Variants in LRRN2 observed in about 807,000 individuals in gnomAD.
LRRN2 encodes the protein leucine rich repeat neuronal 2, also known as leucine-rich repeat neuronal protein 2.
Under a neutral mutation model 35.7 loss-of-function variants are expected in LRRN2, and 10 were observed. That is an observed-to-expected ratio of 0.28 (90% confidence interval 0.17 to 0.47). LRRN2 has a LOEUF of 0.47. Among genes scored for constraint, LRRN2 ranks in the 20% least tolerant of loss-of-function variants. The probability of loss-of-function intolerance (pLI) is 0.99; values close to 1 mark genes in which losing one functional copy is unlikely to be tolerated. For missense variants in LRRN2, 731 were observed against 940.3 expected (o/e 0.78, Z 2.91); for synonymous variants, 391 against 409.6 (o/e 0.95, Z 0.55).
chr1:204,627,590 G>A (rs1284147461), intron 1 of LRRN2, among the ~76,000 whole-genome samples: 3 of 152,230 alleles, frequency 2.0e-5, no homozygotes, highest in African/African-American at 7.2e-5. Context: ...AATTAGGAGT[G>A]GAAGGTGCCA....
At chr1:204,637,631 A>G (rs1301799710) in intron 1 of LRRN2, among the ~76,000 whole-genome samples, 1 of 148,222 alleles carries the variant, frequency 6.7e-6, no homozygotes, top group African/African-American at 2.5e-5. Context: ...GAGTCTGCCT[A>G]TTGCAGCACG....
intron 1 of LRRN2, among the ~76,000 whole-genome samples, chr1:204,653,959 C>T (rs577008536): frequency 1.4e-5 from 2 of 145,708 alleles, no homozygotes; most frequent in South Asian, 4.3e-4. Flanking sequence ...TCACTTCAGT[C>T]TAGGAGTTCG....
At chr1:204,657,951 T>C (rs1483664331) in intron 1 of LRRN2, among the ~76,000 whole-genome samples, 1 of 151,002 alleles carries the variant, frequency 6.6e-6, no homozygotes, top group Non-Finnish European at 1.5e-5. Context: ...AAAATTCTAG[T>C]AAGCCTTAGC....
At chr1:204,678,913 C>G (rs936560625) in intron 1 of LRRN2, among the ~76,000 whole-genome samples, 2 of 152,192 alleles carry the variant, frequency 1.3e-5, no homozygotes, top group Admixed American at 6.5e-5. Flanking sequence ...AGACAATAAA[C>G]TAAAAGCTCC....
At chr1:204,653,183 A>G (rs1007712789) in intron 1 of LRRN2, among the ~76,000 whole-genome samples, 6 of 152,236 alleles carry the variant, frequency 3.9e-5, no homozygotes, top group Non-Finnish European at 8.8e-5. Flanking sequence ...GCACTAGCCT[A>G]ATATTAATAT....
chr1:204,674,908 AC>A (rs1249471273), intron 1 of LRRN2, among the ~76,000 whole-genome samples: 4 of 152,224 alleles, frequency 2.6e-5, no homozygotes, highest in Non-Finnish European at 4.4e-5. Flanking sequence ...AGTTCTTAGC[AC>A]AGTGCTTGGG....
At chr1:204,624,755 ACCCCC>A (rs11306645) in intron 1 of LRRN2, among the ~76,000 whole-genome samples, 3 of 107,608 alleles carry the variant, frequency 2.8e-5, no homozygotes, top group South Asian at 3.2e-4. Flanking sequence ...TTCCCCCCCC[ACCCCC>A]CCCCCCGGGA....
At chr1:204,680,332 C>T (rs186720970) in intron 1 of LRRN2, among the ~76,000 whole-genome samples, 67 of 152,324 alleles carry the variant, frequency 4.4e-4, no homozygotes, top group Non-Finnish European at 4.9e-4. Flanking sequence ...AGCTGAGAAA[C>T]AGTTATTGCC....
At chr1:204,657,318 A>G (rs1260626562) in intron 1 of LRRN2, among the ~76,000 whole-genome samples, 1 of 134,304 alleles carries the variant, frequency 7.4e-6, no homozygotes, top group Non-Finnish European at 1.6e-5. Context: ...ATATATATCT[A>G]TGTGTCTATA....
At chr1:204,666,211 C>T (rs943159084) in intron 1 of LRRN2, among the ~76,000 whole-genome samples, 7 of 152,168 alleles carry the variant, frequency 4.6e-5, no homozygotes, top group African/African-American at 2.4e-5. Flanking sequence ...CTAAGTAAAA[C>T]GGAAAGTGTA....
intron 1 of LRRN2, among the ~76,000 whole-genome samples, chr1:204,630,080 CT>C (rs1667643860): frequency 6.6e-6 from 1 of 152,174 alleles, no homozygotes; most frequent in Non-Finnish European, 1.5e-5. Flanking sequence ...CATGGACCCC[CT>C]ATACATAAAA....
Position 204,617,880 on chromosome 1 carries a change from G to T in LRRN2, c.2113C>A (p.Leu705Met). Residue 705 changes from leucine (L) to methionine (M), a missense_variant, in exon 2 of 2, where the codon CTG (leucine) becomes ATG (methionine). This residue lies in a region of LRRN2 where 229 missense variants were observed against 258.4 expected (regional missense o/e 0.89). Coordinates refer to ENST00000367177, the MANE Select transcript of LRRN2 (RefSeq NM_201630.2). Reference sequence around the variant, plus strand: ...GAATTTTGAGACAATGGTGGCAACAGTGTCTCCCCTTCTGAGGATCTGGGC... The same window carrying T: ...GAATTTTGAGACAATGGTGGCAACATTGTCTCCCCTTCTGAGGATCTGGGC... ...KLPRSSEGETLLPPLSQNS is the reference protein window; with the variant it reads ...KLPRSSEGETMLPPLSQNS The T allele has an allele frequency of 6.2e-7, 1 of 1,614,058 alleles. No individual in the cohort carries two copies. Among genetic ancestry groups the T allele is most frequent in the Non-Finnish European group, 8.5e-7 (1 of 1,179,962 alleles).
Position 204,618,408 on chromosome 1 carries a change from GC to G in LRRN2, c.1584del (p.Leu529TrpfsTer97). Reference sequence around the variant, plus strand: ...TGGGTCTCCTGCACCCGGAGCTCCAGCCCCTGTCCTTCGTCCCTGCCTGGCT... The same window carrying G: ...TGGGTCTCCTGCACCCGGAGCTCCAGCCCTGTCCTTCGTCCCTGCCTGGCT... ...LLQPGRDEGQGLELRVQETHP... is the reference protein window; with the variant it reads ...LLQPGRDEGQXLELRVQETHP... On this transcript the variant is annotated frameshift_variant, in exon 2 of 2. Coordinates refer to ENST00000367177, the MANE Select transcript of LRRN2 (RefSeq NM_201630.2). LOFTEE classifies it high-confidence loss of function. The G allele has an allele frequency of 6.2e-7, 1 of 1,613,742 alleles. No individual in the cohort carries two copies. The highest frequency in any genetic ancestry group is 8.5e-7 in the Non-Finnish European group (1 of 1,179,700).
In LRRN2 at chr1:204,619,837, A is replaced by G. The variant is rs751837546; in HGVS notation, c.156T>C (p.Thr52=). The change falls in exon 2 of 2, where the codon ACT becomes ACC. Residue 52 remains threonine (T), a synonymous_variant. Coordinates refer to ENST00000367177, the MANE Select transcript of LRRN2 (RefSeq NM_201630.2). ...TCAGGAATAGGTCATTGCAGTCCAC[A>G]GTGGTAGCCTCGCGGTAGGACGAGC... ...TPRSSYREAT[T]VDCNDLFLTA... The G allele has an allele frequency of 6.2e-7, 1 of 1,613,722 alleles. No individual in the cohort carries two copies. Among genetic ancestry groups the G allele is most frequent in the East Asian group, 2.2e-5 (1 of 44,874 alleles).
intron 1 of LRRN2, among the ~76,000 whole-genome samples, chr1:204,658,253 C>T (rs866903814): frequency 1.3e-5 from 2 of 152,252 alleles, no homozygotes; most frequent in East Asian, 3.9e-4. Context: ...GTTGGGATTA[C>T]AGGCATGAGC....
At chr1:204,663,932 G>A (rs1244716527) in intron 1 of LRRN2, 7 of 152,230 alleles carry the variant, frequency 4.6e-5, no homozygotes, top group African/African-American at 1.7e-4. Context: ...TTTAGAACCG[G>A]ATCCACTGAT....
At chr1:204,673,639 A>G (rs1328310094) in intron 1 of LRRN2, among the ~76,000 whole-genome samples, 1 of 152,228 alleles carries the variant, frequency 6.6e-6, no homozygotes, top group Non-Finnish European at 1.5e-5. Context: ...AGTTGTATGC[A>G]GGAAGACTGC....
In LRRN2 at chr1:204,617,897, G is replaced by A. The variant is rs1233267693; in HGVS notation, c.2096C>T (p.Ser699Phe). ...PWNPGRKLPR[S>F]SEGETLLPPL... ...TGGCAACAGTGTCTCCCCTTCTGAG[G>A]ATCTGGGCAGCTTCCTCCCTGGATT... Residue 699 changes from serine (S) to phenylalanine (F), a missense_variant, in exon 2 of 2, where the codon TCC becomes TTC. By Grantham distance (155) the Ser-to-Phe change is radical. This residue lies in a region of LRRN2 where 229 missense variants were observed against 258.4 expected (regional missense o/e 0.89). Transcript: ENST00000367177. 9.3e-6 allele frequency: 15 copies of A among 1,614,120 alleles called. No homozygotes were observed. The highest frequency in any genetic ancestry group is 1.3e-5 in the Non-Finnish European group (15 of 1,180,034).
chr1:204,656,460 G>A (rs1668358518), intron 1 of LRRN2, among the ~76,000 whole-genome samples: 2 of 152,182 alleles, frequency 1.3e-5, no homozygotes, highest in South Asian at 2.1e-4. Flanking sequence ...TTAACAATTT[G>A]TCTCTCCCTG....
Sources: gnomAD v4.1 joint callset for allele counts (sites outside exome capture counted in the v4.1 genomes callset) on GRCh38, gnomAD v4.1.1 for gene constraint, gnomAD v4.1.1 regional missense constraint, MANE v1.5 for transcripts, NCBI Gene and HGNC (gene_info 2026-07-23, HGNC 2026-07-21) for gene names.